Variants in CSMD2 observed in about 807,000 individuals in gnomAD.
The protein encoded by CSMD2 is CUB and sushi domain-containing protein 2.
A neutral mutation model predicts 398.5 loss-of-function variants in CSMD2; 130 were observed. The ratio of observed to expected loss-of-function variants is 0.33; its 90% CI spans 0.28 to 0.38. CSMD2 has a LOEUF of 0.38. Among genes scored for constraint, CSMD2 ranks in the 10% least tolerant of loss-of-function variants. The pLI is 1.00. For missense variants in CSMD2, 3,829 were observed against 4,764.9 expected, an observed-to-expected ratio of 0.80 and a Z score of 5.78; for synonymous variants, 1,828 against 1,908.5, an observed-to-expected ratio of 0.96 and a Z score of 1.10.
intron 2 of CSMD2, among the ~76,000 whole-genome samples, chr1:34,079,737 A>T (rs1656841890): frequency 6.6e-6 from 1 of 152,202 alleles, no homozygotes; most frequent in Non-Finnish European, 1.5e-5. Flanking sequence ...ACAGAAAAAT[A>T]CAGCTTAAAA....
Position 33,918,487 on chromosome 1 carries a change from T to C in CSMD2, c.713-186A>G, listed in dbSNP as rs140994145. On this transcript the variant is annotated intron_variant, in intron 4 of 70. Coordinates refer to ENST00000373381, the MANE Select transcript of CSMD2 (RefSeq NM_001281956.2). ...CATCTGAGAAGCCTAACAGAGGAAGTGTCATTAGAGCTGGGTTTTGATGAA... is the reference window on the plus strand; with the variant it reads ...CATCTGAGAAGCCTAACAGAGGAAGCGTCATTAGAGCTGGGTTTTGATGAA... Among the ~76,000 whole-genome samples, 318 of 152,256 alleles carry C rather than the reference T, an allele frequency of 2.1e-3. 3 individuals are homozygous for C. Among genetic ancestry groups the C allele is most frequent in the African/African-American group, 7.2e-3 (299 of 41,558 alleles).
At chr1:34,007,190 C>A (rs1402305272) in intron 3 of CSMD2, among the ~76,000 whole-genome samples, 1 of 152,140 alleles carries the variant, frequency 6.6e-6, no homozygotes, top group South Asian at 2.1e-4. Flanking sequence ...GACTCAGACA[C>A]CCCTGAGCAT....
intron 2 of CSMD2, among the ~76,000 whole-genome samples, chr1:34,067,632 T>C (rs988587732): frequency 1.8e-4 from 28 of 152,206 alleles, no homozygotes; most frequent in African/African-American, 6.5e-4. Flanking sequence ...ATTGTGCACA[T>C]TCACAAATTC....
At chr1:33,702,741 A>C (rs1645651471) in intron 22 of CSMD2, among the ~76,000 whole-genome samples, 1 of 152,182 alleles carries the variant, frequency 6.6e-6, no homozygotes, top group Non-Finnish European at 1.5e-5. Context: ...AATCTGCAAG[A>C]TAATTATTTA....
chr1:33,741,591 A>G lies in CSMD2; in HGVS notation c.2173+1689T>C, dbSNP rs2336641. Among the ~76,000 whole-genome samples the G allele has an allele frequency of 3.4e-3, 522 of 152,332 alleles. 2 individuals are homozygous for G. Among genetic ancestry groups the G allele is most frequent in the Non-Finnish European group, 5.1e-3 (347 of 68,024 alleles). On this transcript the variant is annotated intron_variant, in intron 14 of 70. Coordinates refer to ENST00000373381, the MANE Select transcript of CSMD2 (RefSeq NM_001281956.2). ...ATAGTGTCCACCAATTGTTGGCAAG[A>G]ATCATTTCTGGCTGGGGGATTTTGG...
At chr1:33,971,923 G>A (rs934600976) in intron 3 of CSMD2, among the ~76,000 whole-genome samples, 2 of 152,208 alleles carry the variant, frequency 1.3e-5, no homozygotes, top group South Asian at 2.1e-4. Flanking sequence ...ATCACAGCTC[G>A]ATACTTCTTC....
chr1:33,609,354 T>A (rs1319013424), intron 41 of CSMD2, among the ~76,000 whole-genome samples: 1 of 152,142 alleles, frequency 6.6e-6, no homozygotes, highest in Non-Finnish European at 1.5e-5. Flanking sequence ...AGGAGCTCCA[T>A]CCCCACCATA....
intron 5 of CSMD2, among the ~76,000 whole-genome samples, chr1:33,898,611 C>G (rs1424415995): frequency 6.6e-6 from 1 of 152,124 alleles, no homozygotes; most frequent in Non-Finnish European, 1.5e-5. Context: ...GGCTAGGAGT[C>G]GCCAGAGACT....
At chr1:33,798,630 T>C (rs553020797) in intron 10 of CSMD2, among the ~76,000 whole-genome samples, 1 of 152,300 alleles carries the variant, frequency 6.6e-6, no homozygotes, top group Non-Finnish European at 1.5e-5. Context: ...GAGCAGGCAG[T>C]CTGGACTTCA....
At chr1:33,953,256 C>G (rs551177135) in intron 3 of CSMD2, among the ~76,000 whole-genome samples, 12 of 152,298 alleles carry the variant, frequency 7.9e-5, no homozygotes, top group African/African-American at 2.9e-4. Flanking sequence ...CCCTGAATTT[C>G]CAGGTGGAGT....
chr1:33,633,327 CT>C lies in CSMD2; in HGVS notation c.5200+94del. 1 of 892,284 alleles carries C rather than the reference CT, an allele frequency of 1.1e-6. No homozygotes were observed. The highest frequency in any genetic ancestry group is 1.5e-5 in the South Asian group (1 of 67,084). The allele number at this position is 892,284 out of a possible 1,614,324, so 55.3% of individuals were successfully genotyped here. A position where few individuals can be genotyped will look rare whatever the true frequency, so the allele number is the denominator to read the frequency against. ...GGCACGCAGAGCCGTAGGGTTCCAC[CT>C]GCGGCCATGGGGTGCTTCTAGAGCC... is the stretch of plus-strand genomic sequence containing the variant. On this transcript the variant is annotated intron_variant, in intron 32 of 70. Transcript: ENST00000373381. This position sits in a 1 kb window ranked among gnomAD's most constrained non-coding sequence, Gnocchi z 5.0.
chr1:33,759,608 A>T (rs1649553266), intron 13 of CSMD2, among the ~76,000 whole-genome samples: 1 of 151,990 alleles, frequency 6.6e-6, no homozygotes, highest in Non-Finnish European at 1.5e-5. Flanking sequence ...TACAGGCATG[A>T]GCGACTGTGC....
At chr1:34,100,323 C>T (rs941956141) in intron 1 of CSMD2, among the ~76,000 whole-genome samples, 1 of 152,158 alleles carries the variant, frequency 6.6e-6, no homozygotes, top group South Asian at 2.1e-4. Context: ...GTGTCCCTCC[C>T]TCACCTTCTT....
intron 5 of CSMD2, among the ~76,000 whole-genome samples, chr1:33,848,973 A>C (rs1009524764): frequency 2.0e-5 from 3 of 152,172 alleles, no homozygotes; most frequent in African/African-American, 7.2e-5. Context: ...CTGAGGTCTC[A>C]AGAGCAGGAT....
intron 39 of CSMD2, 58 bp downstream of exon 39, chr1:33,616,848 G>T: frequency 1.5e-6 from 2 of 1,358,030 alleles, no homozygotes; most frequent in Non-Finnish European, 2.1e-6. Flanking sequence ...ACACTACTGA[G>T]CTAAGATCCC....
chr1:33,550,068 G>A (rs979163977), intron 56 of CSMD2, 109 bp downstream of exon 56: 4 of 1,115,372 alleles, frequency 3.6e-6, no homozygotes, highest in Non-Finnish European at 5.3e-6. Context: ...AGGGTTCTGA[G>A]GTCTGATTCC....
At chr1:33,709,560 T>C (rs1645915586) in intron 21 of CSMD2, 1 of 464,866 alleles carries the variant, frequency 2.2e-6, no homozygotes, top group Admixed American at 3.8e-5. Context: ...CTCAGTGCTA[T>C]AAAGCAGCCG....
At chr1:34,092,039 C>A (rs1182100011) in intron 1 of CSMD2, among the ~76,000 whole-genome samples, 1 of 151,838 alleles carries the variant, frequency 6.6e-6, no homozygotes, top group Non-Finnish European at 1.5e-5. Context: ...TAGCCAAATG[C>A]AAAATAATAT....
At position 33,537,194 on chromosome 1, in the gene CSMD2, C is replaced by T; in HGVS notation, c.9806-99G>A. The T allele has an allele frequency of 7.3e-7, 1 of 1,362,104 alleles. No homozygotes were observed. Among genetic ancestry groups the T allele is most frequent in the Non-Finnish European group, 1.0e-6 (1 of 960,580 alleles). 84.4% of individuals were successfully genotyped at this position (1,362,104 alleles called of 1,614,324 possible). ...AGGTGTAGAAAAGAAAATGCGGCCACATCCTGACTTCCCTGCCCACTGAGA... is the reference window on the plus strand; with the variant it reads ...AGGTGTAGAAAAGAAAATGCGGCCATATCCTGACTTCCCTGCCCACTGAGA... On this transcript the variant is annotated intron_variant, in intron 61 of 70. Coordinates refer to ENST00000373381, the MANE Select transcript of CSMD2 (RefSeq NM_001281956.2). The surrounding 1 kb of genome is among the most constrained non-coding windows in gnomAD (Gnocchi z 4.6).
Sources: gnomAD v4.1 joint callset for allele counts (sites outside exome capture counted in the v4.1 genomes callset) on GRCh38, gnomAD v4.1.1 for gene constraint, Gnocchi (gnomAD v3.1) non-coding constraint, MANE v1.5 for transcripts, NCBI Gene and HGNC (gene_info 2026-07-23, HGNC 2026-07-21) for gene names.